SMURF2: variants seen among roughly 807,000 people sequenced by gnomAD.
SMURF2 encodes the protein SMAD specific E3 ubiquitin protein ligase 2.
A neutral mutation model predicts 109.6 loss-of-function variants in SMURF2; 48 were observed. The ratio of observed to expected loss-of-function variants is 0.44; its 90% confidence interval spans 0.35 to 0.56. The LOEUF is 0.56. Among genes scored for constraint, SMURF2 ranks in the 20% least tolerant of loss-of-function variants. The pLI, the probability that SMURF2 is intolerant of heterozygous loss-of-function variation, is 0.01. For missense variants in SMURF2, 575 were observed against 909.0 expected, an observed-to-expected ratio of 0.63 and a Z score of 4.72; for synonymous variants, 288 against 317.1, an observed-to-expected ratio of 0.91 and a Z score of 0.97.
intron 1 of SMURF2, among the ~76,000 whole-genome samples, chr17:64,633,797 C>T (rs1164512129): frequency 6.6e-6 from 1 of 150,718 alleles, no homozygotes; most frequent in African/African-American, 2.4e-5. Flanking sequence ...GAGATTAGCC[C>T]CCCACCCCCC....
At chr17:64,636,342 C>A (rs1240513277) in intron 1 of SMURF2, among the ~76,000 whole-genome samples, 2 of 152,208 alleles carry the variant, frequency 1.3e-5, no homozygotes, top group East Asian at 3.9e-4. Context: ...GTGGCTCACA[C>A]CTGTAATCCC....
rs1555686566 is a variant in SMURF2 at position 64,581,552 on chromosome 17, A to G, written c.570-561T>C. Among the ~76,000 whole-genome samples, 3 of 152,192 alleles carry G rather than the reference A, an allele frequency of 2.0e-5. No homozygotes were observed. The highest frequency in any genetic ancestry group is 4.4e-5 in the Non-Finnish European group (3 of 68,036). ...AAAAAAGTCACCCAGTCATTTGACA[A>G]TACATCACAAAAGGAAAGAAGACAG... On this transcript the variant is annotated intron_variant, in intron 7 of 18. Coordinates refer to ENST00000262435, the MANE Select transcript of SMURF2 (RefSeq NM_022739.4). This position sits in a 1 kb window ranked among gnomAD's most constrained non-coding sequence, Gnocchi z 4.3.
intron 3 of SMURF2, among the ~76,000 whole-genome samples, chr17:64,597,548 G>A (rs752362840): frequency 3.0e-4 from 46 of 152,158 alleles, no homozygotes; most frequent in Non-Finnish European, 4.6e-4. Flanking sequence ...CGAGGCAGGC[G>A]GATCACTTGA....
intron 10 of SMURF2, among the ~76,000 whole-genome samples, chr17:64,563,947 A>G (rs1969264206): frequency 6.6e-6 from 1 of 152,216 alleles, no homozygotes; most frequent in Admixed American, 6.5e-5. Context: ...TGTTTAGGAA[A>G]ACTAAAAGAC....
In SMURF2 at chr17:64,661,810, G is replaced by C. The variant is rs1324387936; in HGVS notation, c.52+19C>G. The C allele has an allele frequency of 8.2e-7, 1 of 1,218,418 alleles. No homozygotes were observed. Among genetic ancestry groups the C allele is most frequent in the African/African-American group, 1.6e-5 (1 of 63,668 alleles). 75.5% of individuals were successfully genotyped at this position (1,218,418 alleles called of 1,614,324 possible). ...GCCCACCCCGCGGCTGCCCAGCCCG[G>C]CCCGCCGCCCCCCCTCACCTGTCAG... On this transcript the variant is annotated intron_variant, in intron 1 of 18. Transcript: ENST00000262435.
At chr17:64,639,773 A>G (rs782675801) in intron 1 of SMURF2, among the ~76,000 whole-genome samples, 6 of 152,168 alleles carry the variant, frequency 3.9e-5, no homozygotes, top group Admixed American at 6.5e-5. Flanking sequence ...ACTTCTTTCC[A>G]GTAGTCACTC....
intron 6 of SMURF2, among the ~76,000 whole-genome samples, chr17:64,584,489 G>T (rs1380949305): frequency 2.7e-5 from 4 of 150,518 alleles, no homozygotes; most frequent in African/African-American, 9.8e-5. Context: ...CTCCTGAGTA[G>T]CTGGGACTAC....
rs1555685102 is a variant in SMURF2 at position 64,567,199 on chromosome 17, T to C, written c.1017-4233A>G. Among the ~76,000 whole-genome samples, 9 of 152,098 alleles carry C rather than the reference T, an allele frequency of 5.9e-5. 1 individual carries two copies. Among genetic ancestry groups the C allele is most frequent in the Non-Finnish European group, 1.3e-4 (9 of 68,026 alleles). On this transcript the variant is annotated intron_variant, in intron 10 of 18. Coordinates refer to ENST00000262435, the MANE Select transcript of SMURF2 (RefSeq NM_022739.4). ...CACAGTAACTTGAAATCAAAGATAT[T>C]GAAGAGAGGAACAAATTAATACTAA...
At chr17:64,602,889 C>G (rs1969917147) in intron 2 of SMURF2, among the ~76,000 whole-genome samples, 1 of 152,024 alleles carries the variant, frequency 6.6e-6, no homozygotes, top group Non-Finnish European at 1.5e-5. Context: ...CGCGCCACTG[C>G]ACTCCAGCCC....
intron 4 of SMURF2, among the ~76,000 whole-genome samples, 172 bp from the exon 5 acceptor site, chr17:64,591,321 C>T (rs1284735840): frequency 1.3e-5 from 2 of 152,184 alleles, no homozygotes; most frequent in Non-Finnish European, 2.9e-5. Flanking sequence ...CATGCAGTCA[C>T]TTTCTCTCCA....
At chr17:64,648,378 T>C (rs1970589820) in intron 1 of SMURF2, among the ~76,000 whole-genome samples, 1 of 152,192 alleles carries the variant, frequency 6.6e-6, no homozygotes, top group Non-Finnish European at 1.5e-5. Context: ...ATGTTGAAAT[T>C]ACTAAGGTAT....
intron 1 of SMURF2, among the ~76,000 whole-genome samples, chr17:64,657,037 C>G (rs1219646347): frequency 3.9e-5 from 6 of 152,156 alleles, no homozygotes; most frequent in Non-Finnish European, 7.3e-5. Context: ...CAGAACTATT[C>G]GGAAGTATTT....
Position 64,593,460 on chromosome 17 carries a change from T to G in SMURF2, c.314A>C (p.Asn105Thr), listed in dbSNP as rs80215473. The change falls in exon 4 of 19, where the codon AAC (asparagine) becomes ACC (threonine). Residue 105 changes from asparagine (N) to threonine (T), a missense_variant. Physicochemically the swap from Asn to Thr is moderately conservative, Grantham distance 65. Transcript: ENST00000262435. ...GCVRLLSNAINRLKDTGYQRL... is the reference protein window; with the variant it reads ...GCVRLLSNAITRLKDTGYQRL... ...CTCACAACCAGTGTCTTTGAGGCGG[T>G]TGATGGCATTGGAAAGAAGACGAAC... is the stretch of plus-strand genomic sequence containing the variant. 11 of 1,609,516 alleles carry G rather than the reference T, an allele frequency of 6.8e-6. No individual in the cohort carries two copies. The highest frequency in any genetic ancestry group is 9.3e-6 in the Non-Finnish European group (11 of 1,178,412).
At chr17:64,600,173 C>A (rs1969874637) in intron 2 of SMURF2, among the ~76,000 whole-genome samples, 1 of 152,040 alleles carries the variant, frequency 6.6e-6, no homozygotes, top group African/African-American at 2.4e-5. Context: ...TGAAAAGACC[C>A]TGAATGAGGG....
chr17:64,595,269 T>C (rs1188085007), intron 3 of SMURF2, among the ~76,000 whole-genome samples: 2 of 152,232 alleles, frequency 1.3e-5, no homozygotes, highest in Non-Finnish European at 2.9e-5. Flanking sequence ...ATGAAATATA[T>C]TGTATTACTT....
At chr17:64,661,062 T>C (rs1342269301) in intron 1 of SMURF2, among the ~76,000 whole-genome samples, 11 of 151,998 alleles carry the variant, frequency 7.2e-5, no homozygotes, top group Admixed American at 7.2e-4. Context: ...TATGAGCACA[T>C]ACTTAGCAAT....
intron 1 of SMURF2, among the ~76,000 whole-genome samples, chr17:64,626,760 C>CA (rs1173318748): frequency 1.6e-4 from 25 of 151,528 alleles, no homozygotes; most frequent in African/African-American, 5.6e-4. Flanking sequence ...AAGATTCCAT[C>CA]AAAAAAACAA....
intron 1 of SMURF2, among the ~76,000 whole-genome samples, chr17:64,625,724 G>A (rs1392816725): frequency 6.6e-6 from 1 of 152,116 alleles, no homozygotes; most frequent in Non-Finnish European, 1.5e-5. Context: ...TAATTCAGTA[G>A]GTCTATATGG....
rs536556325 is a variant in SMURF2, at chr17:64,638,226, C to T, written c.52+23603G>A. Among the ~76,000 whole-genome samples, 5 of 152,034 alleles carry T rather than the reference C, an allele frequency of 3.3e-5. No individual in the cohort carries two copies. In the East Asian group the frequency reaches 5.8e-4, roughly 18 times the overall value. Reference sequence around the variant, plus strand: ...GATTACAGGCATGTGCCACCAAGCCCGACTAATTTTTGTATTTCTAATAGA... The same window carrying T: ...GATTACAGGCATGTGCCACCAAGCCTGACTAATTTTTGTATTTCTAATAGA... On this transcript the variant is annotated intron_variant, in intron 1 of 18. Coordinates refer to ENST00000262435, the MANE Select transcript of SMURF2 (RefSeq NM_022739.4).
Sources: allele counts gnomAD v4.1 joint callset (sites outside exome capture counted in the v4.1 genomes callset), GRCh38; gene constraint gnomAD v4.1.1; non-coding constraint Gnocchi (gnomAD v3.1); transcripts MANE v1.5; gene names NCBI Gene and HGNC (gene_info 2026-07-23, HGNC 2026-07-21).